The following SETBP1 variants were observed in gnomAD, a reference collection of about 807,000 sequenced individuals.
SETBP1 encodes SET binding protein 1, also known as SET-binding protein.
SETBP1 carries 9 observed loss-of-function variants against 101.0 expected under a neutral mutation model. That is an observed-to-expected ratio of 0.09 (90% CI 0.05 to 0.16). The LOEUF (loss-of-function observed/expected upper bound fraction) is 0.16. Ranked by LOEUF, SETBP1 falls within the 10% of genes least tolerant of loss-of-function variation. The pLI is 1.00. For missense variants in SETBP1, 1,858 were observed against 2,033.8 expected, an observed-to-expected ratio of 0.91 and a Z score of 1.66; for synonymous variants, 818 against 788.5, an observed-to-expected ratio of 1.04 and a Z score of -0.63.
At chr18:44,701,972 A>C in intron 2 of SETBP1, 140 bp downstream of exon 2, 1 of 959,606 alleles carries the variant, frequency 1.0e-6, no homozygotes, top group Non-Finnish European at 1.5e-6. Context: ...CTGCACAGTT[A>C]AATCTGTGTG....
intron 3 of SETBP1, chr18:44,877,211 A>G: frequency 1.3e-6 from 1 of 783,556 alleles, no homozygotes; most frequent in Non-Finnish European, 1.5e-6. Context: ...AGAAACTTTT[A>G]TAGCAATTTG....
In SETBP1 at chr18:45,003,596, A is replaced by G. The variant is rs138447985; in HGVS notation, c.4001-34889A>G. ...GTGAACGAGCGAGTAGCCTGCCCAT[A>G]TCTCCATAGCCAAACCATCCTCATA... On this transcript the variant is annotated intron_variant, in intron 4 of 5. Transcript: ENST00000649279. Among the ~76,000 whole-genome samples the G allele has an allele frequency of 1.9e-3, 282 of 151,942 alleles. 1 individual carries two copies. Among genetic ancestry groups the G allele is most frequent in the Non-Finnish European group, 3.3e-3 (225 of 67,984 alleles).
At chr18:44,943,789 G>A (rs1663816116) in intron 3 of SETBP1, among the ~76,000 whole-genome samples, 1 of 152,048 alleles carries the variant, frequency 6.6e-6, no homozygotes, top group South Asian at 2.1e-4. Flanking sequence ...ATCCCACAGT[G>A]GGAGGTCATG....
chr18:44,892,580 A>G (rs1192913390), intron 3 of SETBP1, among the ~76,000 whole-genome samples: 2 of 152,138 alleles, frequency 1.3e-5, no homozygotes, highest in East Asian at 3.9e-4. Context: ...TCTCTGCTTG[A>G]AAGTTTCCAG....
At chr18:44,913,237 A>G (rs1053191198) in intron 3 of SETBP1, among the ~76,000 whole-genome samples, 4 of 152,250 alleles carry the variant, frequency 2.6e-5, no homozygotes, top group African/African-American at 9.6e-5. Flanking sequence ...AGTCTCGGGC[A>G]AGACAGAAGT....
chr18:44,953,415 GGCACATTGTGTTCACTAGTTT>G, intron 4 of SETBP1, 75 bp downstream of exon 4: 2 of 1,316,154 alleles, frequency 1.5e-6, no homozygotes, highest in Middle Eastern at 1.8e-4. Flanking sequence ...ACACATCTGT[GGCACATTGTGTTCACTAGTTT>G]GCAAAGAGGT....
intron 2 of SETBP1, among the ~76,000 whole-genome samples, chr18:44,792,990 G>T (rs1269033780): frequency 6.6e-6 from 1 of 152,198 alleles, no homozygotes; most frequent in African/African-American, 2.4e-5. Flanking sequence ...AACTACGAGT[G>T]GTCCTGTTGG....
intron 5 of SETBP1, among the ~76,000 whole-genome samples, chr18:45,047,475 T>A (rs1328974531): frequency 6.6e-6 from 1 of 152,162 alleles, no homozygotes; most frequent in East Asian, 1.9e-4. Context: ...CTAATTAGAT[T>A]GTTGGTGTCA....
intron 2 of SETBP1, among the ~76,000 whole-genome samples, chr18:44,714,247 G>C (rs2069411568): frequency 6.6e-6 from 1 of 151,884 alleles, no homozygotes; most frequent in South Asian, 2.1e-4. Flanking sequence ...CACCCAGGCT[G>C]GTGTGCAGTG....
At chr18:45,043,353 T>TCC (rs2073546824) in intron 5 of SETBP1, among the ~76,000 whole-genome samples, 1 of 73,258 alleles carries the variant, frequency 1.4e-5, no homozygotes, top group Non-Finnish European at 3.4e-5. Flanking sequence ...ATCCTTTCTC[T>TCC]CTCTCTCTCT....
rs143245788 is a variant in SETBP1, at chr18:44,807,321, A to G, written c.487-61909A>G. ...CCATCTTAAGAGTCTTTTTTTTTTC[A>G]TCTTCTGCTAAAGTATTAGTAAGTA... On this transcript the variant is annotated intron_variant, in intron 2 of 5. Coordinates refer to ENST00000649279, the MANE Select transcript of SETBP1 (RefSeq NM_015559.3). Among the ~76,000 whole-genome samples the G allele has an allele frequency of 5.8e-3, 873 of 150,878 alleles. 8 individuals carry two copies. Among genetic ancestry groups the G allele is most frequent in the African/African-American group, 0.02 (816 of 41,158 alleles).
At chr18:45,004,931 T>C (rs2072693474) in intron 4 of SETBP1, among the ~76,000 whole-genome samples, 1 of 152,214 alleles carries the variant, frequency 6.6e-6, no homozygotes, top group Non-Finnish European at 1.5e-5. Flanking sequence ...TCCATCATCA[T>C]GGTCAGGGAA....
chr18:45,057,303 C>T (rs150340024), intron 5 of SETBP1, among the ~76,000 whole-genome samples: 193 of 152,044 alleles, frequency 1.3e-3, no homozygotes, highest in Middle Eastern at 6.8e-3. Flanking sequence ...GCCTCATTCT[C>T]CCCATTAAAA....
At chr18:44,985,213 G>T (rs992357145) in intron 4 of SETBP1, among the ~76,000 whole-genome samples, 4 of 152,142 alleles carry the variant, frequency 2.6e-5, no homozygotes, top group Non-Finnish European at 5.9e-5. Context: ...ACAAATGTGG[G>T]TAGGGGTTCT....
chr18:44,940,031 G>T (rs533122747), intron 3 of SETBP1, among the ~76,000 whole-genome samples: 4 of 152,240 alleles, frequency 2.6e-5, no homozygotes, highest in Non-Finnish European at 5.9e-5. Context: ...CTTAGTTATT[G>T]TTTTATATCT....
chr18:44,798,624 G>A (rs1047041904), intron 2 of SETBP1, among the ~76,000 whole-genome samples: 3 of 152,056 alleles, frequency 2.0e-5, no homozygotes, highest in Middle Eastern at 3.2e-3. Context: ...TCATTTTTCC[G>A]GCAACAGGGG....
chr18:44,688,196 A>C (rs1479035123), intron 1 of SETBP1, among the ~76,000 whole-genome samples: 1 of 152,240 alleles, frequency 6.6e-6, no homozygotes, highest in Non-Finnish European at 1.5e-5. Context: ...CAATATTGTT[A>C]GCCAAATTTA....
At chr18:44,973,154 G>A (rs1295003379) in intron 4 of SETBP1, among the ~76,000 whole-genome samples, 2 of 152,106 alleles carry the variant, frequency 1.3e-5, no homozygotes, top group African/African-American at 2.4e-5. Flanking sequence ...TTTGTCGTTG[G>A]TTCTCTTTAT....
intron 5 of SETBP1, among the ~76,000 whole-genome samples, chr18:45,053,540 G>C (rs1378591956): frequency 6.6e-6 from 1 of 152,114 alleles, no homozygotes; most frequent in Admixed American, 6.5e-5. Flanking sequence ...TAATGTCCTG[G>C]TCAATATGTT....
Sources: gnomAD v4.1 joint callset for allele counts (sites outside exome capture counted in the v4.1 genomes callset) on GRCh38, gnomAD v4.1.1 for gene constraint, MANE v1.5 for transcripts, NCBI Gene and HGNC (gene_info 2026-07-23, HGNC 2026-07-21) for gene names.